The following RAD51B variants were observed in gnomAD, a reference collection of about 807,000 sequenced individuals.
RAD51B encodes the protein RAD51 paralog B.
A neutral mutation model predicts 42.2 loss-of-function variants in RAD51B; 38 were observed. The observed-to-expected ratio is 0.90, with a 90% confidence interval of 0.70 to 1.18. The LOEUF (loss-of-function observed/expected upper bound fraction) is 1.18, where lower values mean the gene tolerates loss of function less well. RAD51B is among the 50% of genes most tolerant of loss of function. The probability of loss-of-function intolerance (pLI) is 0.00; values close to 1 mark genes in which losing one functional copy is unlikely to be tolerated. For missense variants in RAD51B, 373 were observed against 400.7 expected (o/e 0.93, Z 0.59); for synonymous variants, 154 against 145.2 (o/e 1.06, Z -0.43).
chr14:68,214,070 A>G (rs912978213), intron 7 of RAD51B, among the ~76,000 whole-genome samples: 4 of 152,098 alleles, frequency 2.6e-5, no homozygotes, highest in Admixed American at 1.3e-4. Flanking sequence ...ACCCTTCCCT[A>G]GTTAAACACA....
intron 7 of RAD51B, among the ~76,000 whole-genome samples, chr14:67,907,085 A>G (rs1235857943): frequency 2.0e-5 from 3 of 152,104 alleles, no homozygotes; most frequent in African/African-American, 4.8e-5. Flanking sequence ...CTGGGATTAC[A>G]GGTGTGAGCC....
chr14:67,941,271 G>A (rs1446037299), intron 7 of RAD51B, among the ~76,000 whole-genome samples: 1 of 152,176 alleles, frequency 6.6e-6, no homozygotes, highest in East Asian at 1.9e-4. Context: ...TCCCAGCAGA[G>A]TTTGTTTTTG....
chr14:68,475,242 C>T (rs1331690685), intron 10 of RAD51B, among the ~76,000 whole-genome samples: 2 of 152,108 alleles, frequency 1.3e-5, no homozygotes, highest in Admixed American at 6.6e-5. Context: ...AGCTAAATTT[C>T]GGGATTTCTG....
chr14:67,953,080 A>G (rs1359196688), intron 7 of RAD51B, among the ~76,000 whole-genome samples: 2 of 152,180 alleles, frequency 1.3e-5, no homozygotes, highest in Admixed American at 6.6e-5. Context: ...CAGAGAACTT[A>G]TCTAGGAAGA....
intron 10 of RAD51B, among the ~76,000 whole-genome samples, chr14:68,518,555 C>CA (rs748677615): frequency 4.6e-5 from 2 of 43,766 alleles, no homozygotes; most frequent in South Asian, 7.9e-4. Context: ...GTCATATGAG[C>CA]CCCCCCCCCA....
At chr14:68,028,551 C>T (rs535628229) in intron 7 of RAD51B, among the ~76,000 whole-genome samples, 4 of 152,318 alleles carry the variant, frequency 2.6e-5, no homozygotes, top group African/African-American at 9.6e-5. Flanking sequence ...CCACCACAGC[C>T]CTGGGGTGCC....
intron 7 of RAD51B, among the ~76,000 whole-genome samples, chr14:68,054,468 A>G (rs893197060): frequency 2.6e-5 from 4 of 152,198 alleles, no homozygotes; most frequent in Admixed American, 1.3e-4. Context: ...ATTGATAACT[A>G]CAATTTCCTT....
intron 8 of RAD51B, among the ~76,000 whole-genome samples, chr14:68,399,664 CATCT>C (rs2084037156): frequency 6.6e-6 from 1 of 152,080 alleles, no homozygotes; most frequent in South Asian, 2.1e-4. Flanking sequence ...TTTGCTGAAC[CATCT>C]GAGGGCAAGT....
Position 68,314,957 on chromosome 14 carries a change from T to A in RAD51B, c.853+22977T>A, listed in dbSNP as rs530038321. On this transcript the variant is annotated intron_variant, in intron 8 of 10. Coordinates refer to ENST00000471583, the MANE Select transcript of RAD51B (RefSeq NM_133510.4). ...AGGCCTTTCAGTCTTTGTCTCATTTTAATTGTGTATCTCAACCAAGAAGAT... is the reference window on the plus strand; with the variant it reads ...AGGCCTTTCAGTCTTTGTCTCATTTAAATTGTGTATCTCAACCAAGAAGAT... 2.6e-5 allele frequency among the ~76,000 whole-genome samples: 4 copies of A among 152,352 alleles called. No homozygotes were observed. The East Asian group carries it at 7.7e-4, about 29-fold the overall frequency.
chr14:68,613,584 G>A (rs551049691), downstream of RAD51B, among the ~76,000 whole-genome samples: 1 of 151,814 alleles, frequency 6.6e-6, no homozygotes, highest in Non-Finnish European at 1.5e-5. Flanking sequence ...TTCCTGAGTA[G>A]CTGGGACTAC....
intron 9 of RAD51B, among the ~76,000 whole-genome samples, chr14:68,422,559 CAA>C (rs60206313): frequency 4.1e-4 from 43 of 104,538 alleles, no homozygotes; most frequent in Middle Eastern, 5.1e-3. Context: ...GTCTCCATCT[CAA>C]AAAAAAAAAA....
chr14:68,649,483 C>G (rs1297532154), intron 10 of RAD51B, among the ~76,000 whole-genome samples: 1 of 152,202 alleles, frequency 6.6e-6, no homozygotes, highest in Non-Finnish European at 1.5e-5. Flanking sequence ...CATCATGGCC[C>G]CACTCCATAC....
intron 7 of RAD51B, among the ~76,000 whole-genome samples, chr14:68,034,623 A>G (rs2076094227): frequency 6.6e-6 from 1 of 152,180 alleles, no homozygotes; most frequent in African/African-American, 2.4e-5. Flanking sequence ...TTATTTATAT[A>G]ACCCCATTTG....
At chr14:68,659,569 C>T (rs1427706438) in intron 11 of RAD51B, among the ~76,000 whole-genome samples, 1 of 152,178 alleles carries the variant, frequency 6.6e-6, no homozygotes, top group African/African-American at 2.4e-5. Flanking sequence ...GGGAGGGTCC[C>T]GACTGCCCTG....
intron 8 of RAD51B, among the ~76,000 whole-genome samples, chr14:68,301,801 G>A (rs185048402): frequency 2.6e-5 from 4 of 152,026 alleles, no homozygotes; most frequent in African/African-American, 4.8e-5. Context: ...GTTTTGCCAT[G>A]TTAGCCAGGC....
intron 7 of RAD51B, among the ~76,000 whole-genome samples, chr14:67,940,055 T>TATATATATATATA (rs1342389102): frequency 0.013 from 112 of 8,634 alleles, no homozygotes; most frequent in Non-Finnish European, 0.016. Context: ...TATATATATA[T>TATATATATATATA]TTTTTTTTTT....
intron 8 of RAD51B, among the ~76,000 whole-genome samples, chr14:68,389,679 G>A (rs1173278679): frequency 1.3e-5 from 2 of 152,142 alleles, no homozygotes; most frequent in African/African-American, 2.4e-5. Flanking sequence ...TTGTAATGAG[G>A]CTATATTCTG....
intron 7 of RAD51B, among the ~76,000 whole-genome samples, chr14:68,164,718 T>C (rs2078714807): frequency 6.6e-6 from 1 of 152,150 alleles, no homozygotes; most frequent in Non-Finnish European, 1.5e-5. Flanking sequence ...ATTCCAATAG[T>C]TTGTGAGGGG....
intron 7 of RAD51B, among the ~76,000 whole-genome samples, chr14:68,241,101 G>A (rs1229588669): frequency 6.6e-6 from 1 of 152,158 alleles, no homozygotes; most frequent in Non-Finnish European, 1.5e-5. Flanking sequence ...TTTAAAATGT[G>A]GCTCTGGGAG....
Sources: allele counts gnomAD v4.1 joint callset (sites outside exome capture counted in the v4.1 genomes callset), GRCh38; gene constraint gnomAD v4.1.1; transcripts MANE v1.5; gene names NCBI Gene and HGNC (gene_info 2026-07-23, HGNC 2026-07-21).